Variants in CLEC2D observed in about 807,000 individuals in gnomAD.
The protein encoded by CLEC2D is C-type lectin domain family 2 member D.
In CLEC2D, 16 loss-of-function variants were observed where a neutral mutation model predicts 20.0. That is an observed-to-expected ratio of 0.80 (90% CI 0.54 to 1.22). The LOEUF is 1.22. Ranked by LOEUF, CLEC2D falls within the 50% of genes most tolerant of loss-of-function variation. The probability of loss-of-function intolerance (pLI) is 0.00; values close to 1 mark genes in which losing one functional copy is unlikely to be tolerated. For synonymous variants in CLEC2D, 77 were observed against 71.1 expected, an observed-to-expected ratio of 1.08 and a Z score of -0.42; for missense variants, 207 against 221.5, an observed-to-expected ratio of 0.93 and a Z score of 0.42.
intron 1 of CLEC2D, among the ~76,000 whole-genome samples, chr12:9,674,992 G>A (rs1865493525): frequency 6.6e-6 from 1 of 152,120 alleles, no homozygotes; most frequent in South Asian, 2.1e-4. Flanking sequence ...GGGGAAAAAT[G>A]TAAAATCTGG....
chr12:9,689,224 A>G (rs1363707662), intron 3 of CLEC2D, among the ~76,000 whole-genome samples: 1 of 152,222 alleles, frequency 6.6e-6, no homozygotes, highest in East Asian at 1.9e-4. Context: ...GTCATTTAAG[A>G]CAATTTTTAT....
At chr12:9,677,154 G>C (rs917841453) in intron 1 of CLEC2D, among the ~76,000 whole-genome samples, 1 of 149,368 alleles carries the variant, frequency 6.7e-6, no homozygotes, top group African/African-American at 2.5e-5. Context: ...TGTTTAATTT[G>C]TACCTGATTT....
intron 2 of CLEC2D, among the ~76,000 whole-genome samples, chr12:9,683,993 C>T (rs1865699896): frequency 1.3e-5 from 2 of 151,442 alleles, no homozygotes; most frequent in Non-Finnish European, 2.9e-5. Context: ...AATATTGATT[C>T]TTCCTATCTA....
chr12:9,675,974 G>A (rs188878673), intron 1 of CLEC2D, among the ~76,000 whole-genome samples: 23 of 152,304 alleles, frequency 1.5e-4, no homozygotes, highest in Non-Finnish European at 4.4e-5. Flanking sequence ...TGACTTTTGT[G>A]TATTAGCCAT....
Position 9,695,983 on chromosome 12 carries a change from G to C in CLEC2D, c.*1109G>C, listed in dbSNP as rs2120994734. ...ACAAAAGTCAAATCAGAATGGAAAA[G>C]ACTCAAAACCATCATCAACACCAAG... is the stretch of plus-strand genomic sequence containing the variant. On this transcript the variant is annotated 3_prime_UTR_variant, in exon 5 of 5. Transcript: ENST00000290855. 6.4e-7 allele frequency: 1 copy of C among 1,564,358 alleles called. No individual in the cohort carries two copies. Among genetic ancestry groups the C allele is most frequent in the Middle Eastern group, 2.3e-4 (1 of 4,372 alleles).
chr12:9,682,978 T>C (rs2120932149), intron 2 of CLEC2D, among the ~76,000 whole-genome samples: 1 of 152,336 alleles, frequency 6.6e-6, no homozygotes, highest in African/African-American at 2.4e-5. Context: ...GTAAAAGTGT[T>C]CCTATTTCTC....
chr12:9,690,996 C>G (rs947707191), intron 3 of CLEC2D, among the ~76,000 whole-genome samples: 2 of 151,980 alleles, frequency 1.3e-5, no homozygotes, highest in Non-Finnish European at 2.9e-5. Context: ...AAAAGAAAAA[C>G]AAGACTCATC....
At chr12:9,687,572 T>G (rs1318959166) in intron 2 of CLEC2D, among the ~76,000 whole-genome samples, 2 of 152,228 alleles carry the variant, frequency 1.3e-5, no homozygotes, top group Non-Finnish European at 2.9e-5. Context: ...CCAAAGCTGA[T>G]CAAATGCTAT....
chr12:9,687,382 C>T (rs1244624857), intron 2 of CLEC2D, among the ~76,000 whole-genome samples: 1 of 152,126 alleles, frequency 6.6e-6, no homozygotes, highest in Non-Finnish European at 1.5e-5. Flanking sequence ...GGAGGTGGAG[C>T]TCATGAGGTA....
chr12:9,695,574 C>G lies in CLEC2D; in HGVS notation c.*700C>G. 1 of 1,466,104 alleles carries G rather than the reference C, an allele frequency of 6.8e-7. No homozygotes were observed. The highest frequency in any genetic ancestry group is 9.4e-7 in the Non-Finnish European group (1 of 1,060,900). 90.8% of individuals were successfully genotyped at this position (1,466,104 alleles called of 1,614,324 possible). A position where few individuals can be genotyped will look rare whatever the true frequency, so the allele number is the denominator to read the frequency against. On this transcript the variant is annotated 3_prime_UTR_variant, in exon 5 of 5. Transcript: ENST00000290855. ...AACTGCACATTGTTGAAGCAGAGGC[C>G]ATGAATGACGAAGGCAGTCCAATTA...
intron 4 of CLEC2D, chr12:9,693,814 G>A (rs1248232699): frequency 8.9e-6 from 4 of 448,932 alleles, no homozygotes; most frequent in Admixed American, 2.4e-5. Flanking sequence ...TTGTTTGTTT[G>A]TATTTTTGAG....
At chr12:9,670,966 T>C (rs1262756475) in intron 1 of CLEC2D, among the ~76,000 whole-genome samples, 1 of 152,156 alleles carries the variant, frequency 6.6e-6, no homozygotes, top group Non-Finnish European at 1.5e-5. Flanking sequence ...TGAATAATGT[T>C]CATGGGTCTC....
At chr12:9,694,260 C>T (rs959056169) in intron 4 of CLEC2D, among the ~76,000 whole-genome samples, 21 of 152,056 alleles carry the variant, frequency 1.4e-4, no homozygotes, top group Admixed American at 3.3e-4. Flanking sequence ...ATAGTGATTC[C>T]AATGAGCAAA....
Position 9,695,301 on chromosome 12 carries a change from C to G in CLEC2D, c.*427C>G. 1.3e-6 allele frequency: 1 copy of G among 758,644 alleles called. No homozygotes were observed. The highest frequency in any genetic ancestry group is 1.4e-5 in the South Asian group (1 of 70,628). The allele number at this position is 758,644 out of a possible 1,614,324, so 47.0% of individuals were successfully genotyped here. A position where few individuals can be genotyped will look rare whatever the true frequency, so the allele number is the denominator to read the frequency against. Reference sequence around the variant, plus strand: ...CAGTATGGGGCTCCCTGGTGTGATTCCGTCCTGCGCGGCTGTTCTCTGGAG... The same window carrying G: ...CAGTATGGGGCTCCCTGGTGTGATTGCGTCCTGCGCGGCTGTTCTCTGGAG... On this transcript the variant is annotated 3_prime_UTR_variant, in exon 5 of 5. Transcript: ENST00000290855.
chr12:9,690,520 T>C (rs1394240031), intron 3 of CLEC2D, among the ~76,000 whole-genome samples: 1 of 152,082 alleles, frequency 6.6e-6, no homozygotes, highest in Admixed American at 6.5e-5. Flanking sequence ...TAGCTTTCTA[T>C]ATTTATATTT....
At chr12:9,675,352 C>T (rs1179370207) in intron 1 of CLEC2D, among the ~76,000 whole-genome samples, 2 of 152,052 alleles carry the variant, frequency 1.3e-5, no homozygotes, top group Admixed American at 1.3e-4. Flanking sequence ...CCTGCCACCA[C>T]GCCCGGCTAA....
At chr12:9,673,158 A>G (rs1865456522) in intron 1 of CLEC2D, among the ~76,000 whole-genome samples, 1 of 151,892 alleles carries the variant, frequency 6.6e-6, no homozygotes, top group Non-Finnish European at 1.5e-5. Flanking sequence ...GGCTTTTGGA[A>G]TTTTCACCGT....
intron 1 of CLEC2D, chr12:9,674,043 TTGAG>T (rs1865474734): frequency 6.6e-6 from 1 of 152,430 alleles, no homozygotes; most frequent in Admixed American, 6.5e-5. Flanking sequence ...AACCTACTGA[TTGAG>T]ACTGCTGGGC....
intron 2 of CLEC2D, among the ~76,000 whole-genome samples, chr12:9,687,012 C>A (rs187923192): frequency 2.0e-5 from 3 of 152,310 alleles, no homozygotes; most frequent in African/African-American, 7.2e-5. Flanking sequence ...CAATCGCCAA[C>A]CTTGTTGGCA....
Sources: gnomAD v4.1 joint callset for allele counts (sites outside exome capture counted in the v4.1 genomes callset) on GRCh38, gnomAD v4.1.1 for gene constraint, MANE v1.5 for transcripts, NCBI Gene and HGNC (gene_info 2026-07-23, HGNC 2026-07-21) for gene names.